DLG5: variants seen among roughly 807,000 people sequenced by gnomAD.
The protein encoded by DLG5 is discs large MAGUK scaffold protein 5, also known as disks large homolog 5.
DLG5 carries 48 observed loss-of-function variants against 189.8 expected under a neutral mutation model. That is an observed-to-expected ratio of 0.25 (90% CI 0.20 to 0.32). The LOEUF (loss-of-function observed/expected upper bound fraction) is 0.32, where lower values mean the gene tolerates loss of function less well. DLG5 is among the 10% of genes least tolerant of loss of function. The pLI is 1.00. For missense variants in DLG5, 2,160 were observed against 2,544.7 expected, an observed-to-expected ratio of 0.85 and a Z score of 3.25; for synonymous variants, 1,016 against 1,054.1, an observed-to-expected ratio of 0.96 and a Z score of 0.70.
At chr10:77,931,123 A>G (rs1846782811), upstream of DLG5, among the ~76,000 whole-genome samples, 1 of 151,610 alleles carries the variant, frequency 6.6e-6, no homozygotes, top group Admixed American at 6.6e-5. Context: ...CCTGGCCTTA[A>G]TTTTTGTATT....
chr10:77,898,172 G>T (rs1845820414), intron 1 of DLG5, among the ~76,000 whole-genome samples: 1 of 152,186 alleles, frequency 6.6e-6, no homozygotes. Context: ...GGCTCACTTG[G>T]CCACCACGCT....
chr10:77,863,601 C>T (rs1038945203), intron 2 of DLG5, among the ~76,000 whole-genome samples: 5 of 152,214 alleles, frequency 3.3e-5, no homozygotes, highest in African/African-American at 7.2e-5. Context: ...CCAACAAAAG[C>T]TTCCAATGCA....
intron 1 of DLG5, among the ~76,000 whole-genome samples, chr10:77,913,498 G>T (rs1278702355): frequency 6.6e-6 from 1 of 152,142 alleles, no homozygotes; most frequent in African/African-American, 2.4e-5. Flanking sequence ...GTATTTATAA[G>T]AAAAATGACA....
At chr10:77,916,512 G>A (rs1341315646) in intron 1 of DLG5, among the ~76,000 whole-genome samples, 2 of 151,444 alleles carry the variant, frequency 1.3e-5, no homozygotes, top group Non-Finnish European at 2.9e-5. Flanking sequence ...AGCTAGTCTC[G>A]AACTCCTAGC....
At chr10:77,867,140 C>T (rs1418972034) in intron 2 of DLG5, 1 of 451,678 alleles carries the variant, frequency 2.2e-6, no homozygotes, top group Non-Finnish European at 4.5e-6. Context: ...GGGTCACGGC[C>T]ATGACGCTTC....
intron 5 of DLG5, among the ~76,000 whole-genome samples, chr10:77,849,842 G>A (rs1843877614): frequency 6.6e-6 from 1 of 152,218 alleles, no homozygotes; most frequent in Non-Finnish European, 1.5e-5. Flanking sequence ...CTTCTTGAGG[G>A]CAGAGTGCTC....
At chr10:77,820,897 T>C in intron 15 of DLG5, 185 bp downstream of exon 15, 1 of 666,962 alleles carries the variant, frequency 1.5e-6, no homozygotes, top group Admixed American at 3.0e-5. Flanking sequence ...CCCACTACCA[T>C]GCACTTCCAC....
chr10:77,878,157 C>T lies in DLG5; in HGVS notation c.305-8960G>A, dbSNP rs957856223. 2.0e-5 allele frequency among the ~76,000 whole-genome samples: 3 copies of T among 152,214 alleles called. No individual in the cohort carries two copies. The East Asian group carries it at 5.8e-4, about 29-fold the overall frequency. ...TGCCTCCCTCCCACACAGGATGGAG[C>T]GCATACCTTGCAGAGTACACTGCCC... On this transcript the variant is annotated intron_variant, in intron 1 of 31. Coordinates refer to ENST00000372391, the MANE Select transcript of DLG5 (RefSeq NM_004747.4).
Position 77,892,197 on chromosome 10 carries a change from C to T in DLG5, c.305-23000G>A, listed in dbSNP as rs139148032. Among the ~76,000 whole-genome samples, 360 of 152,320 alleles carry T rather than the reference C, an allele frequency of 2.4e-3. 2 individuals carry two copies. In the South Asian group the frequency reaches 0.024, roughly 10 times the overall value. On this transcript the variant is annotated intron_variant, in intron 1 of 31. Transcript: ENST00000372391. The stretch of plus-strand genomic sequence containing the variant: ...AGTCCTGGCTCTGATCGCAGTAGCA[C>T]ATCTGACACGTGCCCTCAATCCCTC...
At chr10:77,895,060 G>A (rs1041226791) in intron 1 of DLG5, among the ~76,000 whole-genome samples, 1 of 152,208 alleles carries the variant, frequency 6.6e-6, no homozygotes, top group East Asian at 1.9e-4. Context: ...AAAGTGATGA[G>A]CAGGTCACAC....
chr10:77,850,911 G>T (rs1843938468), intron 5 of DLG5, among the ~76,000 whole-genome samples: 1 of 152,224 alleles, frequency 6.6e-6, no homozygotes, highest in African/African-American at 2.4e-5. Flanking sequence ...CCTCTGAAAT[G>T]ATGATTCTCT....
intron 1 of DLG5, among the ~76,000 whole-genome samples, chr10:77,897,383 A>G (rs1371137617): frequency 6.6e-6 from 1 of 152,046 alleles, no homozygotes; most frequent in Non-Finnish European, 1.5e-5. Context: ...ATAAATAAAT[A>G]AATAATTTTT....
At chr10:77,867,113 G>T in intron 2 of DLG5, 3 of 456,574 alleles carry the variant, frequency 6.6e-6, no homozygotes, top group Non-Finnish European at 1.3e-5. Flanking sequence ...CTTCAGGTGA[G>T]TGCAGAACCA....
intron 31 of DLG5, chr10:77,793,425 C>G (rs1324642991): frequency 2.0e-5 from 3 of 153,326 alleles, no homozygotes; most frequent in Non-Finnish European, 4.4e-5. Context: ...TAATGCCCTG[C>G]AAATGACAGA....
At chr10:77,870,641 T>C (rs1390631860) in intron 1 of DLG5, among the ~76,000 whole-genome samples, 1 of 151,704 alleles carries the variant, frequency 6.6e-6, no homozygotes, top group Non-Finnish European at 1.5e-5. Flanking sequence ...GCCATGATCA[T>C]GCCACTGCAC....
intron 1 of DLG5, among the ~76,000 whole-genome samples, chr10:77,880,791 T>C (rs551950085): frequency 4.9e-4 from 75 of 152,244 alleles, no homozygotes; most frequent in African/African-American, 1.7e-3. Context: ...ACTATTTGTA[T>C]GGATTATTTC....
At chr10:77,916,439 C>A (rs1181228834) in intron 1 of DLG5, among the ~76,000 whole-genome samples, 1 of 151,610 alleles carries the variant, frequency 6.6e-6, no homozygotes, top group African/African-American at 2.4e-5. Context: ...TACAGGCACA[C>A]AACCACCACG....
intron 20 of DLG5, among the ~76,000 whole-genome samples, chr10:77,815,244 T>C (rs1299067496): frequency 6.6e-6 from 1 of 152,250 alleles, no homozygotes; most frequent in African/African-American, 2.4e-5. Context: ...TCCGTCAGCA[T>C]TTCTTCCGAG....
chr10:77,929,933 G>A (rs1421935336), upstream of DLG5: 4 of 152,186 alleles, frequency 2.6e-5, no homozygotes, highest in African/African-American at 4.8e-5. Flanking sequence ...GGACAAAGAC[G>A]GGGGTCCCTA....
Sources: gnomAD v4.1 joint callset for allele counts (sites outside exome capture counted in the v4.1 genomes callset) on GRCh38, gnomAD v4.1.1 for gene constraint, MANE v1.5 for transcripts, NCBI Gene and HGNC (gene_info 2026-07-23, HGNC 2026-07-21) for gene names.